Variants in PCDH12 observed in about 807,000 individuals in gnomAD.
The protein encoded by PCDH12 is protocadherin-12.
PCDH12 carries 45 observed loss-of-function variants against 70.9 expected under a neutral mutation model. The observed-to-expected ratio is 0.63, with a 90% CI of 0.50 to 0.81. The LOEUF (loss-of-function observed/expected upper bound fraction) is 0.81. PCDH12 is among the 40% of genes least tolerant of loss of function. The probability of loss-of-function intolerance (pLI) is 0.00; values close to 1 mark genes in which losing one functional copy is unlikely to be tolerated. For missense variants in PCDH12, 1,370 were observed against 1,491.7 expected (o/e 0.92, Z 1.34); for synonymous variants, 567 against 626.0 (o/e 0.91, Z 1.41).
chr5:141,957,132 A>G lies in PCDH12; in HGVS notation c.720T>C (p.Asn240=), dbSNP rs764726618. Residue 240 remains asparagine, a synonymous_variant, in exon 1 of 4, where the codon AAT becomes AAC. Transcript: ENST00000231484. The surrounding 1 kb of genome is among the most constrained non-coding windows in gnomAD (Gnocchi z 4.3). ...VKVNVLDSND[N]SPAFAESSLA... is the part of the protein sequence containing the mutation. ...GTGAACTCTCAGCAAACGCAGGGCT[A>G]TTGTCATTGGAGTCCAAGACGTTGA... 7 of 1,614,154 alleles carry G rather than the reference A, an allele frequency of 4.3e-6. No homozygotes were observed. The highest frequency in any genetic ancestry group is 5.9e-6 in the Non-Finnish European group (7 of 1,180,024).
rs1479950150 is a variant in PCDH12 at position 141,955,149 on chromosome 5, C to G, written c.2703G>C (p.Gln901His). Residue 901 changes from glutamine to histidine, a missense_variant, in exon 1 of 4, where the codon CAG becomes CAC. Coordinates refer to ENST00000231484, the MANE Select transcript of PCDH12 (RefSeq NM_016580.4). The surrounding 1 kb of genome is among the most constrained non-coding windows in gnomAD (Gnocchi z 5.5). ...AGDQGSEEAP[Q>H]RPPASSATLR... ...GGGTTGCAGAGGAGGCTGGTGGCCT[C>G]TGTGGGGCTTCCTCACTGCCCTGGT... 3 of 1,614,098 alleles carry G rather than the reference C, an allele frequency of 1.9e-6. No individual in the cohort carries two copies. In the African/African-American group the frequency reaches 4.0e-5, roughly 22 times the overall value.
intron 2 of PCDH12, among the ~76,000 whole-genome samples, chr5:141,950,648 C>T (rs924452456): frequency 6.6e-6 from 1 of 152,122 alleles, no homozygotes; most frequent in Non-Finnish European, 1.5e-5. Context: ...AGTGTGTGGA[C>T]TCACCCCTGC....
intron 1 of PCDH12, chr5:141,952,768 C>G (rs735068): frequency 0.088 from 13,441 of 152,186 alleles, 1,997 homozygotes; most frequent in African/African-American, 0.31. Context: ...AGTGTTGTCA[C>G]GATTAAATGG....
Position 141,955,527 on chromosome 5 carries a change from G to T in PCDH12, c.2325C>A (p.Ile775=). The T allele has an allele frequency of 6.2e-7, 1 of 1,614,142 alleles. No homozygotes were observed. The highest frequency in any genetic ancestry group is 8.5e-7 in the Non-Finnish European group (1 of 1,180,020). ...RPQKHIQKAD[I]HLVPVLRGQA... is the part of the protein sequence containing the mutation. ...GACCCCTGAGCACAGGCACGAGGTG[G>T]ATGTCTGCCTTCTGAATGTGTTTCT... Residue 775 remains isoleucine (I), a synonymous_variant, in exon 1 of 4, where the codon ATC becomes ATA. Coordinates refer to ENST00000231484, the MANE Select transcript of PCDH12 (RefSeq NM_016580.4). The surrounding 1 kb of genome is among the most constrained non-coding windows in gnomAD (Gnocchi z 5.5).
chr5:141,946,696 G>A (rs898117175), intron 3 of PCDH12, among the ~76,000 whole-genome samples: 2 of 152,212 alleles, frequency 1.3e-5, no homozygotes, highest in African/African-American at 4.8e-5. Flanking sequence ...GAGAGGGACT[G>A]GGGTAGTGGC....
At position 141,957,371 on chromosome 5, in the gene PCDH12, C is replaced by G; in HGVS notation, c.481G>C (p.Asp161His). The G allele has an allele frequency of 6.2e-7, 1 of 1,613,808 alleles. No homozygotes were observed. The highest frequency in any genetic ancestry group is 2.2e-5 in the East Asian group (1 of 44,884). The stretch of plus-strand genomic sequence containing the variant: ...AGGGTGTTAGGGCCTGTGTCTGGGT[C>G]AAGAGCTCTGTCCAGGGGGATCCGG... ...RTRIPLDRAL[D>H]PDTGPNTLHT... The change falls in exon 1 of 4, where the codon GAC becomes CAC. Residue 161 changes from aspartate to histidine, a missense_variant. Transcript: ENST00000231484. This position sits in a 1 kb window ranked among gnomAD's most constrained non-coding sequence, Gnocchi z 4.3.
Position 141,957,639 on chromosome 5 carries a change from C to G in PCDH12, c.213G>C (p.Leu71=). The part of the protein sequence containing the change: ...QAGAAFQVLQ[L]PQALPIQVDS... ...CCACCTGAATGGGGAGCGCCTGAGG[C>G]AGCTGCAACACCTGGAAGGCAGCCC... is the stretch of plus-strand genomic sequence containing the variant. Residue 71 remains leucine, a synonymous_variant, in exon 1 of 4, where the codon CTG becomes CTC. Transcript: ENST00000231484. This position sits in a 1 kb window ranked among gnomAD's most constrained non-coding sequence, Gnocchi z 4.3. 6.2e-7 allele frequency: 1 copy of G among 1,614,222 alleles called. No individual in the cohort carries two copies. The highest frequency in any genetic ancestry group is 8.5e-7 in the Non-Finnish European group (1 of 1,180,034).
At position 141,955,282 on chromosome 5, in the gene PCDH12, T is replaced by C; in HGVS notation, c.2570A>G (p.Asn857Ser). The C allele has an allele frequency of 6.2e-7, 1 of 1,614,148 alleles. No individual in the cohort carries two copies. The highest frequency in any genetic ancestry group is 8.5e-7 in the Non-Finnish European group (1 of 1,180,010). The change falls in exon 1 of 4, where the codon AAT becomes AGT. Residue 857 changes from asparagine (N) to serine (S), a missense_variant. Physicochemically the swap from Asn to Ser is conservative, Grantham distance 46. Coordinates refer to ENST00000231484, the MANE Select transcript of PCDH12 (RefSeq NM_016580.4). This position sits in a 1 kb window ranked among gnomAD's most constrained non-coding sequence, Gnocchi z 5.5. The stretch of plus-strand genomic sequence containing the variant: ...AAGGTTCAGGTTCTCCCGGGAGGCA[T>C]TCCTCTGCCTGGGATGGTTGAAAAG... ...NLLFNHPRQR[N>S]ASRENLNLPE...
chr5:141,945,681 C>G lies in PCDH12; in HGVS notation c.3255G>C (p.Arg1085Ser). Residue 1085 changes from arginine (R) to serine (S), a missense_variant, in exon 4 of 4, where the codon AGG becomes AGC. By Grantham distance (110) the Arg-to-Ser change is moderately radical. Transcript: ENST00000231484. ...CTGCCTTGCCGAACGTCTGGAAGGT[C>G]CTTGGCTCCTCCGTGGCTGCAGCAT... ...SPDAAATEEP[R>S]TFQTFGKAEA... 6.2e-7 allele frequency: 1 copy of G among 1,614,176 alleles called. No homozygotes were observed. The highest frequency in any genetic ancestry group is 1.1e-5 in the South Asian group (1 of 91,082).
chr5:141,956,791 A>T lies in PCDH12; in HGVS notation c.1061T>A (p.Val354Asp), dbSNP rs1753192031. Residue 354 changes from valine (V) to aspartate (D), a missense_variant, in exon 1 of 4, where the codon GTC becomes GAC. Physicochemically the swap from Val to Asp is radical, Grantham distance 152. Coordinates refer to ENST00000231484, the MANE Select transcript of PCDH12 (RefSeq NM_016580.4). ...CAGTGATGGCTGGGAGGCCCATGTG[A>T]CGTGGATGCTTGGGATGTTGTCATT... is the stretch of plus-strand genomic sequence containing the variant. ...DVNDNIPSIH[V>D]TWASQPSLVS... 3 of 1,614,264 alleles carry T rather than the reference A, an allele frequency of 1.9e-6. No homozygotes were observed. Among genetic ancestry groups the T allele is most frequent in the Non-Finnish European group, 2.5e-6 (3 of 1,180,056 alleles).
chr5:141,956,029 A>G lies in PCDH12; in HGVS notation c.1823T>C (p.Leu608Pro), dbSNP rs61737137. The G allele has an allele frequency of 0.018, 29,133 of 1,614,040 alleles. 304 individuals are homozygous for G. The highest frequency in any genetic ancestry group is 0.021 in the Non-Finnish European group (24,644 of 1,179,992). Residue 608 changes from leucine to proline, a missense_variant, in exon 1 of 4, where the codon CTG (leucine) becomes CCG (proline). Coordinates refer to ENST00000231484, the MANE Select transcript of PCDH12 (RefSeq NM_016580.4). ...GAATGGCCGGGAGCTGTGAGTGGCC[A>G]GTGGAGGTGTGTCAGTGCCCGCTGG... The part of the protein sequence containing the change: ...LGPAGTDTPP[L>P]ATHSSRPFLL...
In PCDH12 at chr5:141,955,350, T is replaced by C. The variant is rs776847273; in HGVS notation, c.2502A>G (p.Ala834=). 7.4e-6 allele frequency: 12 copies of C among 1,614,136 alleles called. No homozygotes were observed. Among genetic ancestry groups the C allele is most frequent in the Non-Finnish European group, 1.0e-5 (12 of 1,180,024 alleles). Residue 834 remains alanine (A), a synonymous_variant, in exon 1 of 4, where the codon GCA becomes GCG. Transcript: ENST00000231484. This position sits in a 1 kb window ranked among gnomAD's most constrained non-coding sequence, Gnocchi z 5.5. The part of the protein sequence containing the change: ...RTLRNQGNQG[A]PAESREVLQD... ...GCAGCACCTCTCGGCTCTCCGCCGG[T>C]GCTCCCTGGTTGCCTTGATTACGCA...
intron 1 of PCDH12, 148 bp downstream of exon 1, chr5:141,954,824 G>T: frequency 9.4e-7 from 1 of 1,058,608 alleles, no homozygotes; most frequent in Non-Finnish European, 1.4e-6. Context: ...ACAAAGCTGT[G>T]CCCTGAACCA....
Position 141,956,561 on chromosome 5 carries a change from AC to A in PCDH12, c.1290del (p.Leu431Ter). On this transcript the variant is annotated frameshift_variant, in exon 1 of 4. Transcript: ENST00000231484. LOFTEE classifies it high-confidence loss of function. ...GGCTGGAGTCCTTGGTCTTGGGCTAACAGAGTGAGGGTATATTTGGGCCACT... is the reference window on the plus strand; with the variant it reads ...GGCTGGAGTCCTTGGTCTTGGGCTAAAGAGTGAGGGTATATTTGGGCCACT... ...REQWPKYTLT[L>X]LAQDQGLQPL... 2 of 1,614,080 alleles carry A rather than the reference AC, an allele frequency of 1.2e-6. No homozygotes were observed. Among genetic ancestry groups the A allele is most frequent in the Admixed American group, 1.7e-5 (1 of 59,994 alleles).
rs935060520 is a variant in PCDH12, at chr5:141,945,732, G to A, written c.3204C>T (p.Asn1068=). The A allele has an allele frequency of 3.7e-6, 6 of 1,614,130 alleles. No homozygotes were observed. The highest frequency in any genetic ancestry group is 3.3e-4 in the Middle Eastern group (2 of 6,060). ...MARLSLPLTT[N]YRDNVISPDA... is the part of the protein sequence containing the mutation. ...CCGGGGAGATCACATTGTCACGGTA[G>A]TTGGTGGTGAGGGGCAAAGAGAGTC... Residue 1068 remains asparagine (N), a synonymous_variant, in exon 4 of 4, where the codon AAC becomes AAT. Transcript: ENST00000231484.
chr5:141,954,836 T>C, intron 1 of PCDH12, 136 bp downstream of exon 1: 1 of 1,193,626 alleles, frequency 8.4e-7, no homozygotes, highest in Non-Finnish European at 1.2e-6. Context: ...CCTGAACCAT[T>C]GCTACCCAAA....
rs1424418403 is a variant in PCDH12 at position 141,945,120 on chromosome 5, C to T, written c.*261G>A. On this transcript the variant is annotated 3_prime_UTR_variant, in exon 4 of 4. Coordinates refer to ENST00000231484, the MANE Select transcript of PCDH12 (RefSeq NM_016580.4). The stretch of plus-strand genomic sequence containing the variant: ...GCCAGAGGACTGACCCTTTGTGCTC[C>T]ACATATGTTTTGCCAGGAAACACTT... 6 of 527,212 alleles carry T rather than the reference C, an allele frequency of 1.1e-5. No individual in the cohort carries two copies. The highest frequency in any genetic ancestry group is 2.0e-5 in the Non-Finnish European group (6 of 296,606). 32.7% of individuals were successfully genotyped at this position (527,212 alleles called of 1,614,324 possible). A position where few individuals can be genotyped will look rare whatever the true frequency, so the allele number is the denominator to read the frequency against.
rs1425858670 is a variant in PCDH12, at chr5:141,955,975, G to T, written c.1877C>A (p.Ala626Glu). 13 of 1,614,054 alleles carry T rather than the reference G, an allele frequency of 8.1e-6. No homozygotes were observed. The highest frequency in any genetic ancestry group is 1.0e-5 in the Non-Finnish European group (12 of 1,180,054). The stretch of plus-strand genomic sequence containing the variant: ...GGGCTCTCCATTTGCCCCCGAGTCT[G>T]CATCTCTTGCCACAATGGTTGTCAA... ...FLLTTIVARD[A>E]DSGANGEPLY... The change falls in exon 1 of 4, where the codon GCA becomes GAA. Residue 626 changes from alanine to glutamate, a missense_variant. Transcript: ENST00000231484. This position sits in a 1 kb window ranked among gnomAD's most constrained non-coding sequence, Gnocchi z 5.5.
chr5:141,948,994 G>C (rs1219942379), intron 3 of PCDH12, among the ~76,000 whole-genome samples: 1 of 151,360 alleles, frequency 6.6e-6, no homozygotes, highest in Admixed American at 6.6e-5. Context: ...TGGGTGGATT[G>C]CTTGAGCCCA....
Sources: allele counts gnomAD v4.1 joint callset (sites outside exome capture counted in the v4.1 genomes callset), GRCh38; gene constraint gnomAD v4.1.1; non-coding constraint Gnocchi (gnomAD v3.1); transcripts MANE v1.5; gene names NCBI Gene and HGNC (gene_info 2026-07-23, HGNC 2026-07-21).